BTBD9: variants seen among roughly 807,000 people sequenced by gnomAD.
The protein encoded by BTBD9 is BTB/POZ domain-containing protein 9.
A neutral mutation model predicts 64.3 loss-of-function variants in BTBD9; 49 were observed. That is an observed-to-expected ratio of 0.76 (90% CI 0.61 to 0.97). The LOEUF is 0.97. BTBD9 is among the 50% of genes least tolerant of loss of function. The pLI, the probability that BTBD9 is intolerant of heterozygous loss-of-function variation, is 0.00. For synonymous variants in BTBD9, 260 were observed against 274.7 expected (o/e 0.95, Z 0.53); for missense variants, 598 against 762.1 (o/e 0.78, Z 2.53).
At position 38,400,611 on chromosome 6, in the gene BTBD9, C is replaced by A. The variant is rs144079209; in HGVS notation, c.1155-55518G>T. ...GACCAATCCTTCTCAGGTTCTTTTG[C>A]ACCCTTATCCTTTTTCATTCACTCC... On this transcript the variant is annotated intron_variant, in intron 6 of 10. Transcript: ENST00000481247. 3.2e-3 allele frequency among the ~76,000 whole-genome samples: 490 copies of A among 152,220 alleles called. 4 individuals are homozygous for A. Among genetic ancestry groups the A allele is most frequent in the African/African-American group, 0.012 (479 of 41,506 alleles).
chr6:38,483,289 C>T lies in BTBD9; in HGVS notation c.1154+94311G>A, dbSNP rs373713373. Among the ~76,000 whole-genome samples the T allele has an allele frequency of 1.1e-4, 16 of 152,100 alleles. No homozygotes were observed. In the South Asian group the frequency reaches 1.7e-3, roughly 16 times the overall value. Reference sequence around the variant, plus strand: ...GCTCTATCTTGCTACAACCAGGAGTCGATTTTCTGTTACCTACTGCCCTCT... The same window carrying T: ...GCTCTATCTTGCTACAACCAGGAGTTGATTTTCTGTTACCTACTGCCCTCT... On this transcript the variant is annotated intron_variant, in intron 6 of 10. Coordinates refer to ENST00000481247, the MANE Select transcript of BTBD9 (RefSeq NM_001099272.2).
At chr6:38,200,137 AG>A (rs1003798198) in intron 9 of BTBD9, among the ~76,000 whole-genome samples, 5 of 152,210 alleles carry the variant, frequency 3.3e-5, no homozygotes, top group Admixed American at 2.0e-4. Flanking sequence ...GCAGGGGCTG[AG>A]GTATGAGCAC....
At chr6:38,601,129 A>C (rs1777225258) in intron 1 of BTBD9, among the ~76,000 whole-genome samples, 1 of 152,142 alleles carries the variant, frequency 6.6e-6, no homozygotes, top group Admixed American at 6.5e-5. Flanking sequence ...AGGCATTGGA[A>C]TCACCATTCT....
At chr6:38,372,858 G>C (rs1051956006) in intron 6 of BTBD9, among the ~76,000 whole-genome samples, 2 of 152,154 alleles carry the variant, frequency 1.3e-5, no homozygotes, top group Non-Finnish European at 2.9e-5. Context: ...AACATGTATA[G>C]CAAAGGTCTG....
At chr6:38,195,526 A>C (rs1355267774) in intron 9 of BTBD9, among the ~76,000 whole-genome samples, 10 of 152,146 alleles carry the variant, frequency 6.6e-5, no homozygotes, top group Non-Finnish European at 1.5e-4. Flanking sequence ...AAAAAGCTTA[A>C]TAAGAACAAA....
chr6:38,480,862 A>G (rs1771108929), intron 6 of BTBD9, among the ~76,000 whole-genome samples: 2 of 152,200 alleles, frequency 1.3e-5, no homozygotes, highest in South Asian at 4.1e-4. Context: ...GCATATAGCC[A>G]TCACACAGGC....
intron 6 of BTBD9, among the ~76,000 whole-genome samples, chr6:38,509,821 C>T (rs1772700768): frequency 6.6e-6 from 1 of 152,138 alleles, no homozygotes; most frequent in South Asian, 2.1e-4. Context: ...TAAATAAACA[C>T]AGTTCTGAAG....
intron 6 of BTBD9, among the ~76,000 whole-genome samples, chr6:38,472,157 T>G (rs1770678510): frequency 6.6e-6 from 1 of 152,192 alleles, no homozygotes; most frequent in Admixed American, 6.5e-5. Flanking sequence ...CTATCTCCGC[T>G]AAATATATGC....
At chr6:38,607,910 C>G (rs922835810) in intron 1 of BTBD9, among the ~76,000 whole-genome samples, 2 of 152,108 alleles carry the variant, frequency 1.3e-5, no homozygotes, top group Non-Finnish European at 2.9e-5. Flanking sequence ...TCATTCAAAT[C>G]TTCCAATAAA....
chr6:38,515,514 T>G (rs965834621), intron 6 of BTBD9, among the ~76,000 whole-genome samples: 5 of 152,212 alleles, frequency 3.3e-5, no homozygotes, highest in African/African-American at 1.2e-4. Flanking sequence ...ACACAGGAAC[T>G]AATGGCATCA....
intron 4 of BTBD9, among the ~76,000 whole-genome samples, chr6:38,581,632 C>A (rs1353326703): frequency 1.3e-5 from 2 of 152,124 alleles, no homozygotes; most frequent in African/African-American, 2.4e-5. Context: ...CATGGAAAGA[C>A]AAGAGGCTGC....
At chr6:38,295,061 T>C (rs1190676015) in intron 7 of BTBD9, among the ~76,000 whole-genome samples, 1 of 152,224 alleles carries the variant, frequency 6.6e-6, no homozygotes, top group Non-Finnish European at 1.5e-5. Flanking sequence ...ATTATCTTTC[T>C]AATTGATTTT....
intron 9 of BTBD9, among the ~76,000 whole-genome samples, chr6:38,250,896 C>A (rs1764370945): frequency 6.6e-6 from 1 of 151,968 alleles, no homozygotes; most frequent in Non-Finnish European, 1.5e-5. Context: ...CGTAGGGAAA[C>A]CCTGTTGGTG....
At chr6:38,232,573 C>T (rs2127518242) in intron 9 of BTBD9, among the ~76,000 whole-genome samples, 2 of 152,128 alleles carry the variant, frequency 1.3e-5, no homozygotes, top group Non-Finnish European at 2.9e-5. Context: ...GCACAAAGAT[C>T]TTCCCAAAAG....
At chr6:38,355,595 T>C (rs1764696613) in intron 6 of BTBD9, among the ~76,000 whole-genome samples, 1 of 152,236 alleles carries the variant, frequency 6.6e-6, no homozygotes, top group South Asian at 2.1e-4. Context: ...GTAAACTGTG[T>C]ACTTTGTAAG....
Position 38,563,772 on chromosome 6 carries a change from C to T in BTBD9, c.1154+13828G>A, listed in dbSNP as rs1292093646. Reference sequence around the variant, plus strand: ...ACGCTTTCCCCTTTTGTCTGCCTATCTAACTTTTTTTTTTTTTTTTTTTTT... The same window carrying T: ...ACGCTTTCCCCTTTTGTCTGCCTATTTAACTTTTTTTTTTTTTTTTTTTTT... On this transcript the variant is annotated intron_variant, in intron 6 of 10. Coordinates refer to ENST00000481247, the MANE Select transcript of BTBD9 (RefSeq NM_001099272.2). 4.1e-5 allele frequency among the ~76,000 whole-genome samples: 6 copies of T among 146,280 alleles called. No homozygotes were observed. The South Asian group carries it at 8.6e-4, about 21-fold the overall frequency.
chr6:38,582,395 A>C (rs138039922), intron 4 of BTBD9, among the ~76,000 whole-genome samples: 33 of 152,340 alleles, frequency 2.2e-4, no homozygotes, highest in African/African-American at 7.9e-4. Flanking sequence ...TCCTTTGAGT[A>C]CAGTACTATT....
At chr6:38,183,480 T>C (rs1427921042) in intron 10 of BTBD9, among the ~76,000 whole-genome samples, 1 of 152,076 alleles carries the variant, frequency 6.6e-6, no homozygotes, top group African/African-American at 2.4e-5. Flanking sequence ...CCCCCTCCCT[T>C]CCTTCCACTC....
chr6:38,586,086 C>T (rs1776509121), intron 4 of BTBD9, among the ~76,000 whole-genome samples: 1 of 152,022 alleles, frequency 6.6e-6, no homozygotes. Flanking sequence ...ATGCTCCCTA[C>T]TATAAACATT....
Sources: allele counts gnomAD v4.1 joint callset (sites outside exome capture counted in the v4.1 genomes callset), GRCh38; gene constraint gnomAD v4.1.1; transcripts MANE v1.5; gene names NCBI Gene and HGNC (gene_info 2026-07-23, HGNC 2026-07-21).